Variants in PIAS1 observed in about 807,000 individuals in gnomAD.
PIAS1 encodes the protein E3 SUMO-protein ligase PIAS1.
In PIAS1, 6 loss-of-function variants were observed where a neutral mutation model predicts 71.3. That is an observed-to-expected ratio of 0.08 (90% CI 0.05 to 0.17). The LOEUF is 0.17. Among genes scored for constraint, PIAS1 ranks in the 10% least tolerant of loss-of-function variants. The probability of loss-of-function intolerance (pLI) is 1.00; values close to 1 mark genes in which losing one functional copy is unlikely to be tolerated. For missense variants in PIAS1, 555 were observed against 793.6 expected (o/e 0.70, Z 3.61); for synonymous variants, 303 against 292.9 (o/e 1.03, Z -0.35).
intron 1 of PIAS1, among the ~76,000 whole-genome samples, chr15:68,065,390 G>T (rs970086029): frequency 2.6e-5 from 4 of 151,920 alleles, no homozygotes; most frequent in Non-Finnish European, 5.9e-5. Context: ...AGGGGTTCCA[G>T]ACCAGCCTGG....
chr15:68,180,748 C>T (rs1305547592), intron 11 of PIAS1, among the ~76,000 whole-genome samples: 1 of 152,168 alleles, frequency 6.6e-6, no homozygotes, highest in Non-Finnish European at 1.5e-5. Flanking sequence ...AACTCCGAAC[C>T]ACTCAGATTG....
At position 68,173,701 on chromosome 15, in the gene PIAS1, T is replaced by A. The variant is rs1255400000; in HGVS notation, c.1009-31T>A. ...AAGCTTAAATGTTGAATAGCAATTA[T>A]CTAATATTTACTTTTTCTCCCTTTT... is the stretch of plus-strand genomic sequence containing the variant. On this transcript the variant is annotated intron_variant, in intron 8 of 13. Coordinates refer to ENST00000249636, the MANE Select transcript of PIAS1 (RefSeq NM_016166.3). This position sits in a 1 kb window ranked among gnomAD's most constrained non-coding sequence, Gnocchi z 4.3. 6.8e-7 allele frequency: 1 copy of A among 1,473,310 alleles called. No individual in the cohort carries two copies. The highest frequency in any genetic ancestry group is 9.1e-7 in the Non-Finnish European group (1 of 1,096,166). 91.3% of individuals were successfully genotyped at this position (1,473,310 alleles called of 1,614,324 possible). A position where few individuals can be genotyped will look rare whatever the true frequency, so the allele number is the denominator to read the frequency against.
intron 2 of PIAS1, among the ~76,000 whole-genome samples, chr15:68,089,645 C>A (rs1054777260): frequency 4.7e-5 from 7 of 148,956 alleles, no homozygotes; most frequent in African/African-American, 1.7e-4. Flanking sequence ...ACCTCCGCCC[C>A]ACTGGGTTCA....
chr15:68,123,178 A>G (rs1385433058), intron 2 of PIAS1, among the ~76,000 whole-genome samples: 2 of 152,100 alleles, frequency 1.3e-5, no homozygotes, highest in African/African-American at 2.4e-5. Context: ...TATCCTCCCA[A>G]GTAGCTAGGA....
At chr15:68,177,451 A>G (rs2093027548) in intron 11 of PIAS1, among the ~76,000 whole-genome samples, 1 of 152,162 alleles carries the variant, frequency 6.6e-6, no homozygotes, top group South Asian at 2.1e-4. Context: ...AATGATTTAA[A>G]TCTGCTTCAG....
chr15:68,142,294 A>G lies in PIAS1; in HGVS notation c.559A>G (p.Ile187Val), dbSNP rs2092776092. The G allele has an allele frequency of 6.2e-7, 1 of 1,604,638 alleles. No homozygotes were observed. The highest frequency in any genetic ancestry group is 1.3e-5 in the African/African-American group (1 of 74,832). The change falls in exon 4 of 14, where the codon ATT becomes GTT. Residue 187 changes from isoleucine to valine, a missense_variant. Around this residue, in one of 5 missense-constraint regions of PIAS1, gnomAD observed 134 missense variants for 203.4 expected, o/e 0.66. Transcript: ENST00000249636. ...TTCCTATTCTGTCTCTTCTAGGGAT[A>G]TTTCTGGGACCAAATGTGACTTCAC... ...QVQQISSSMD[I>V]SGTKCDFTVQ...
rs759607395 is a variant in PIAS1 at position 68,086,682 on chromosome 15, C to A, written c.401C>A (p.Pro134Gln). 3 of 1,613,242 alleles carry A rather than the reference C, an allele frequency of 1.9e-6. No homozygotes were observed. The highest frequency in any genetic ancestry group is 2.5e-6 in the Non-Finnish European group (3 of 1,179,320). ...ACATCAGCTCTTCACCCAGTCCATC[C>A]GGATATAAAACTTCAAAAATTACCA... Reference protein sequence around the residue: ...HLTSALHPVHPDIKLQKLPFY... With the variant: ...HLTSALHPVHQDIKLQKLPFY... Residue 134 changes from proline to glutamine, a missense_variant, in exon 2 of 14, where the codon CCG becomes CAG. Physicochemically the swap from Pro to Gln is moderately conservative, Grantham distance 76. Around this residue, in one of 5 missense-constraint regions of PIAS1, gnomAD observed 134 missense variants for 203.4 expected, o/e 0.66. Transcript: ENST00000249636. The surrounding 1 kb of genome is among the most constrained non-coding windows in gnomAD (Gnocchi z 7.2).
chr15:68,144,268 C>G (rs1228579298), intron 4 of PIAS1, among the ~76,000 whole-genome samples: 1 of 152,016 alleles, frequency 6.6e-6, no homozygotes, highest in African/African-American at 2.4e-5. Context: ...GAGTGTATGC[C>G]TATCTGCTAT....
chr15:68,168,236 T>C (rs1309718338), intron 8 of PIAS1, among the ~76,000 whole-genome samples: 1 of 152,172 alleles, frequency 6.6e-6, no homozygotes, highest in East Asian at 1.9e-4. Context: ...CTGGAACTCC[T>C]GACCTCAAGT....
At chr15:68,080,759 G>C (rs1338486882) in intron 1 of PIAS1, among the ~76,000 whole-genome samples, 1 of 152,190 alleles carries the variant, frequency 6.6e-6, no homozygotes, top group Non-Finnish European at 1.5e-5. Context: ...AAAGGCAAAA[G>C]TATAAATGAA....
chr15:68,135,089 C>G (rs1246553727), intron 2 of PIAS1, among the ~76,000 whole-genome samples: 1 of 43,384 alleles, frequency 2.3e-5, no homozygotes, highest in South Asian at 5.5e-4. Context: ...GCTGGCCGGG[C>G]GGGGGGCTGA....
chr15:68,183,770 A>G (rs1325818207), intron 13 of PIAS1, 103 bp downstream of exon 13: 6 of 572,400 alleles, frequency 1.0e-5, no homozygotes, highest in African/African-American at 3.8e-5. Context: ...TATGCATTCC[A>G]TAAGATTATA....
chr15:68,090,582 C>A (rs1477258564), intron 2 of PIAS1, among the ~76,000 whole-genome samples: 1 of 152,104 alleles, frequency 6.6e-6, no homozygotes, highest in Non-Finnish European at 1.5e-5. Context: ...CGTTTTAATG[C>A]AGTAGATGGA....
chr15:68,168,904 G>T (rs1595785132), intron 8 of PIAS1, among the ~76,000 whole-genome samples: 1 of 152,196 alleles, frequency 6.6e-6, no homozygotes, highest in African/African-American at 2.4e-5. Context: ...TTGCCTAAAA[G>T]ATATGAACTG....
chr15:68,109,551 A>G (rs2092503614), intron 2 of PIAS1, among the ~76,000 whole-genome samples: 1 of 152,206 alleles, frequency 6.6e-6, no homozygotes, highest in East Asian at 1.9e-4. Context: ...CTTTATGTCA[A>G]GACCATGTTT....
chr15:68,075,108 G>T (rs1263241214), intron 1 of PIAS1, among the ~76,000 whole-genome samples: 2 of 100,390 alleles, frequency 2.0e-5, no homozygotes, highest in African/African-American at 7.8e-5. Context: ...TTTTTTTGAG[G>T]CGGAGTCTCT....
intron 1 of PIAS1, among the ~76,000 whole-genome samples, chr15:68,071,571 A>G (rs777664386): frequency 4.6e-5 from 7 of 152,010 alleles, no homozygotes; most frequent in Middle Eastern, 3.2e-3. Context: ...AGTACCAACA[A>G]AACAAATAAC....
chr15:68,075,466 CATA>C (rs1486482372), intron 1 of PIAS1, among the ~76,000 whole-genome samples: 1 of 152,120 alleles, frequency 6.6e-6, no homozygotes, highest in Non-Finnish European at 1.5e-5. Context: ...AAATTTTAAT[CATA>C]ATAATCTGTT....
At chr15:68,152,321 A>G (rs1314061737) in intron 6 of PIAS1, among the ~76,000 whole-genome samples, 1 of 152,050 alleles carries the variant, frequency 6.6e-6, no homozygotes, top group Non-Finnish European at 1.5e-5. Flanking sequence ...CTTTTTTGAC[A>G]CTTCTTTTTC....
Sources: allele counts gnomAD v4.1 joint callset (sites outside exome capture counted in the v4.1 genomes callset), GRCh38; gene constraint gnomAD v4.1.1; regional missense constraint gnomAD v4.1.1; non-coding constraint Gnocchi (gnomAD v3.1); transcripts MANE v1.5; gene names NCBI Gene and HGNC (gene_info 2026-07-23, HGNC 2026-07-21).